Variants in CD160 observed in about 807,000 individuals in gnomAD.
CD160 encodes CD160 antigen.
A neutral mutation model predicts 19.2 loss-of-function variants in CD160; 11 were observed. That is an observed-to-expected ratio of 0.57 (90% CI 0.36 to 0.95). The LOEUF (loss-of-function observed/expected upper bound fraction) is 0.95, where lower values mean the gene tolerates loss of function less well. Ranked by LOEUF, CD160 falls within the 40% of genes least tolerant of loss-of-function variation. The pLI is 0.01. For missense variants in CD160, 182 were observed against 213.2 expected (o/e 0.85, Z 0.91); for synonymous variants, 75 against 81.1 (o/e 0.93, Z 0.40).
chr1:145,736,343 C>CAA, intron 5 of CD160: 1 of 1,448,692 alleles, frequency 6.9e-7, no homozygotes, highest in South Asian at 1.3e-5. Flanking sequence ...TCAGACTTTT[C>CAA]AATGGGTAGG....
chr1:145,721,610 C>T (rs982950624), intron 1 of CD160, among the ~76,000 whole-genome samples: 34 of 152,226 alleles, frequency 2.2e-4, no homozygotes, highest in African/African-American at 7.7e-4. Flanking sequence ...CCCTACCCTG[C>T]GCCCCTCCCA....
Position 145,728,415 on chromosome 1 carries a change from T to C in CD160, c.73+15T>C. 1.3e-6 allele frequency: 2 copies of C among 1,575,256 alleles called. No individual in the cohort carries two copies. ...CCAGTCTGGTGGTGAGGATAGACCC[T>C]AGAGCAGAGACGGCCATGGGGAGGA... is the stretch of plus-strand genomic sequence containing the variant. On this transcript the variant is annotated intron_variant, in intron 3 of 5. Coordinates refer to ENST00000369288, the MANE Select transcript of CD160 (RefSeq NM_007053.4).
intron 1 of CD160, among the ~76,000 whole-genome samples, chr1:145,722,743 C>G (rs1296377219): frequency 6.6e-6 from 1 of 152,194 alleles, no homozygotes; most frequent in Non-Finnish European, 1.5e-5. Context: ...AGGCGCCCGC[C>G]ACCACGCCCG....
intron 1 of CD160, among the ~76,000 whole-genome samples, chr1:145,719,808 A>C (rs1420771761): frequency 6.6e-6 from 1 of 152,220 alleles, no homozygotes; most frequent in Non-Finnish European, 1.5e-5. Context: ...GGAATTCCTC[A>C]AATTACCAGA....
chr1:145,737,320 C>T (rs1657536706), intron 5 of CD160: 7 of 151,872 alleles, frequency 4.6e-5, no homozygotes, highest in Admixed American at 4.6e-4. Context: ...CCTTCTCACT[C>T]TAAAACCTTA....
intron 4 of CD160, among the ~76,000 whole-genome samples, chr1:145,731,893 G>A (rs953524185): frequency 2.6e-5 from 4 of 152,134 alleles, no homozygotes; most frequent in African/African-American, 9.7e-5. Flanking sequence ...AGTACAGCTG[G>A]CCCTCATGAG....
In CD160 at chr1:145,730,933, T is replaced by C. The variant is rs1657264180; in HGVS notation, c.263T>C (p.Val88Ala). The change falls in exon 4 of 6, where the codon GTT becomes GCT. Residue 88 changes from valine to alanine, a missense_variant. Val to Ala is a moderately conservative substitution (Grantham distance 64). Coordinates refer to ENST00000369288, the MANE Select transcript of CD160 (RefSeq NM_007053.4). ...RLKRDPGIDGVGEISSQLMFT... is the reference protein window; with the variant it reads ...RLKRDPGIDGAGEISSQLMFT... ...AAAAGGGATCCTGGGATAGATGGTG[T>C]TGGTGAAATATCATCTCAGTTGATG... is the stretch of plus-strand genomic sequence containing the variant. The C allele has an allele frequency of 1.2e-6, 2 of 1,614,158 alleles. No individual in the cohort carries two copies. Among genetic ancestry groups the C allele is most frequent in the East Asian group, 2.2e-5 (1 of 44,886 alleles).
intron 3 of CD160, among the ~76,000 whole-genome samples, chr1:145,729,927 T>G (rs1657218484): frequency 6.6e-6 from 1 of 152,216 alleles, no homozygotes; most frequent in Non-Finnish European, 1.5e-5. Flanking sequence ...CTGTGAAGTT[T>G]CCCTGATGCT....
chr1:145,731,163 C>T (rs1455763321), intron 4 of CD160, 93 bp downstream of exon 4: 7 of 956,882 alleles, frequency 7.3e-6, no homozygotes, highest in Non-Finnish European at 9.7e-6. Context: ...CCTGGAAAGG[C>T]AGTTTCCTTC....
intron 2 of CD160, among the ~76,000 whole-genome samples, chr1:145,726,541 T>C (rs1467374525): frequency 6.6e-6 from 1 of 152,024 alleles, no homozygotes; most frequent in East Asian, 1.9e-4. Context: ...TGAGAACACA[T>C]GAACCCAGGG....
chr1:145,730,646 C>A, intron 3 of CD160, 98 bp from the exon 4 acceptor site: 1 of 934,142 alleles, frequency 1.1e-6, no homozygotes, highest in Non-Finnish European at 1.6e-6. Flanking sequence ...GGTTCTGCTT[C>A]AGTCCTTCCT....
intron 1 of CD160, among the ~76,000 whole-genome samples, chr1:145,724,042 G>A (rs782664375): frequency 6.6e-6 from 1 of 152,086 alleles, no homozygotes; most frequent in Non-Finnish European, 1.5e-5. Flanking sequence ...CCAAAGCTCC[G>A]TAACAATGTA....
chr1:145,734,935 T>C (rs1657421820), intron 4 of CD160, among the ~76,000 whole-genome samples: 1 of 151,980 alleles, frequency 6.6e-6, no homozygotes, highest in Non-Finnish European at 1.5e-5. Context: ...GGTGAAACCC[T>C]GTCTCTACTA....
chr1:145,719,710 G>A (rs1656751959), intron 1 of CD160, among the ~76,000 whole-genome samples, 151 bp downstream of exon 1: 1 of 152,154 alleles, frequency 6.6e-6, no homozygotes, highest in African/African-American at 2.4e-5. Flanking sequence ...TGGGGAGAAG[G>A]TTATTTCTGC....
Position 145,736,158 on chromosome 1 carries a change from A to AC in CD160, c.538+28dup, listed in dbSNP as rs1275871492. On this transcript the variant is annotated intron_variant, in intron 5 of 5. Coordinates refer to ENST00000369288, the MANE Select transcript of CD160 (RefSeq NM_007053.4). ...AGGTATGTCCAAAAGAGCCGTAAGC[A>AC]CCCCAAGCAATGAGGGTGCTATTAT... 8 of 1,613,810 alleles carry AC rather than the reference A, an allele frequency of 5.0e-6. No homozygotes were observed. The East Asian group carries it at 1.8e-4, about 36-fold the overall frequency.
intron 4 of CD160, among the ~76,000 whole-genome samples, chr1:145,734,074 G>C (rs1553709784): frequency 6.6e-6 from 1 of 152,130 alleles, no homozygotes; most frequent in African/African-American, 2.4e-5. Flanking sequence ...CCCCAATTCA[G>C]AGAGTTACTA....
chr1:145,735,006 C>T (rs1457055441), intron 4 of CD160, among the ~76,000 whole-genome samples: 1 of 152,058 alleles, frequency 6.6e-6, no homozygotes, highest in Non-Finnish European at 1.5e-5. Context: ...ACTTGGGAGG[C>T]TGAGGCAGGA....
chr1:145,728,251 T>A lies in CD160; in HGVS notation c.-72-5T>A. On this transcript the variant is annotated splice_region_variant and splice_polypyrimidine_tract_variant and intron_variant, in intron 2 of 5. Transcript: ENST00000369288. ...TTTGTCTAGTGGGTCCCCCTGTGCT[T>A]TTAGGAGACTGAAGCCAAGGATACC... 1 of 1,078,530 alleles carries A rather than the reference T, an allele frequency of 9.3e-7. No homozygotes were observed. The highest frequency in any genetic ancestry group is 1.4e-6 in the Non-Finnish European group (1 of 706,358). 66.8% of individuals were successfully genotyped at this position (1,078,530 alleles called of 1,614,324 possible). A position where few individuals can be genotyped will look rare whatever the true frequency, so the allele number is the denominator to read the frequency against.
At chr1:145,720,851 C>A (rs782324014) in intron 1 of CD160, among the ~76,000 whole-genome samples, 11 of 152,192 alleles carry the variant, frequency 7.2e-5, no homozygotes, top group Non-Finnish European at 1.0e-4. Flanking sequence ...GGATTTGAAC[C>A]CAGGAGTCCA....
Sources: allele counts gnomAD v4.1 joint callset (sites outside exome capture counted in the v4.1 genomes callset), GRCh38; gene constraint gnomAD v4.1.1; transcripts MANE v1.5; gene names NCBI Gene and HGNC (gene_info 2026-07-23, HGNC 2026-07-21).